Variants in SHROOM3 observed in about 807,000 individuals in gnomAD.
SHROOM3 encodes protein Shroom3.
Under a neutral mutation model 138.6 loss-of-function variants are expected in SHROOM3, and 47 were observed. The observed-to-expected ratio is 0.34, with a 90% CI of 0.27 to 0.43. SHROOM3 has a LOEUF of 0.43. Among genes scored for constraint, SHROOM3 ranks in the 20% least tolerant of loss-of-function variants. SHROOM3 has a pLI of 1.00. For synonymous variants in SHROOM3, 1,062 were observed against 1,063.3 expected (o/e 1.00, Z 0.02); for missense variants, 2,491 against 2,596.5 (o/e 0.96, Z 0.88).
intron 1 of SHROOM3, among the ~76,000 whole-genome samples, chr4:76,495,580 C>T (rs1731948202): frequency 6.6e-6 from 1 of 152,204 alleles, no homozygotes; most frequent in Non-Finnish European, 1.5e-5. Flanking sequence ...CTCAGTACAT[C>T]GCTTGTAATG....
intron 1 of SHROOM3, among the ~76,000 whole-genome samples, chr4:76,464,383 C>G (rs937751907): frequency 2.0e-5 from 3 of 152,170 alleles, no homozygotes; most frequent in Admixed American, 1.3e-4. Flanking sequence ...TGCCTGTACC[C>G]CATTGTATCT....
chr4:76,614,317 G>A (rs1734827897), intron 2 of SHROOM3, among the ~76,000 whole-genome samples: 2 of 152,076 alleles, frequency 1.3e-5, no homozygotes, highest in Non-Finnish European at 2.9e-5. Flanking sequence ...GCCTCCCAAA[G>A]TGCTGGGATT....
intron 1 of SHROOM3, among the ~76,000 whole-genome samples, chr4:76,546,625 C>A (rs114098133): frequency 6.6e-6 from 1 of 152,198 alleles, no homozygotes; most frequent in South Asian, 2.1e-4. Flanking sequence ...AATGCCCAAA[C>A]GGCTTTGTTT....
intron 2 of SHROOM3, among the ~76,000 whole-genome samples, chr4:76,704,584 C>T (rs1387193026): frequency 6.6e-6 from 1 of 152,136 alleles, no homozygotes; most frequent in African/African-American, 2.4e-5. Flanking sequence ...GTTTGGGGAA[C>T]CTAAGGAAGG....
At chr4:76,749,243 TTTA>T (rs1475065534) in intron 6 of SHROOM3, among the ~76,000 whole-genome samples, 153 bp downstream of exon 6, 15 of 152,172 alleles carry the variant, frequency 9.9e-5, no homozygotes, top group Admixed American at 8.5e-4. Flanking sequence ...TTTTTTTAGT[TTTA>T]TTATTATACT....
intron 2 of SHROOM3, among the ~76,000 whole-genome samples, chr4:76,658,300 A>C (rs1736110743): frequency 1.3e-5 from 2 of 152,216 alleles, no homozygotes; most frequent in Non-Finnish European, 2.9e-5. Context: ...CATTTCTGGA[A>C]GAGCCCTCAG....
At chr4:76,767,022 C>T (rs903064288) in intron 9 of SHROOM3, among the ~76,000 whole-genome samples, 2 of 152,230 alleles carry the variant, frequency 1.3e-5, no homozygotes, top group African/African-American at 4.8e-5. Flanking sequence ...GGGGTACACA[C>T]ATGCTCCTGT....
At chr4:76,773,298 C>G (rs909015189) in intron 10 of SHROOM3, among the ~76,000 whole-genome samples, 1 of 149,568 alleles carries the variant, frequency 6.7e-6, no homozygotes, top group Non-Finnish European at 1.5e-5. Flanking sequence ...TGCTTGAACC[C>G]GGGAAGCGGA....
intron 3 of SHROOM3, among the ~76,000 whole-genome samples, chr4:76,717,782 A>C (rs971195800): frequency 2.0e-4 from 31 of 152,228 alleles, no homozygotes; most frequent in African/African-American, 6.8e-4. Flanking sequence ...TTCAAAGAAA[A>C]GGTATAGTCT....
chr4:76,672,157 T>C (rs1179438540), intron 2 of SHROOM3, among the ~76,000 whole-genome samples: 1 of 152,058 alleles, frequency 6.6e-6, no homozygotes, highest in Non-Finnish European at 1.5e-5. Flanking sequence ...AGATGATTTA[T>C]CCCTCTAAAA....
At chr4:76,477,860 G>C (rs1044225755) in intron 1 of SHROOM3, among the ~76,000 whole-genome samples, 5 of 152,148 alleles carry the variant, frequency 3.3e-5, no homozygotes, top group African/African-American at 1.2e-4. Context: ...GCCTCACCTG[G>C]GAAGTGCAAG....
chr4:76,674,647 C>T (rs142648525), intron 2 of SHROOM3, among the ~76,000 whole-genome samples: 40 of 150,096 alleles, frequency 2.7e-4, no homozygotes, highest in African/African-American at 9.6e-4. Flanking sequence ...GCTGCGTCCC[C>T]AGGCTCAAGT....
chr4:76,755,369 G>A (rs1454336511), intron 7 of SHROOM3, among the ~76,000 whole-genome samples, 177 bp downstream of exon 7: 1 of 152,174 alleles, frequency 6.6e-6, no homozygotes, highest in Non-Finnish European at 1.5e-5. Context: ...GTGTCATTGG[G>A]TACTGAGGAG....
intron 1 of SHROOM3, among the ~76,000 whole-genome samples, chr4:76,486,078 G>GA (rs1244725611): frequency 6.6e-6 from 1 of 152,042 alleles, no homozygotes. Flanking sequence ...CTGAGGTACA[G>GA]AAAAAAATAA....
At chr4:76,619,125 G>C (rs916523348) in intron 2 of SHROOM3, among the ~76,000 whole-genome samples, 1 of 152,192 alleles carries the variant, frequency 6.6e-6, no homozygotes. Flanking sequence ...TGGGATTACA[G>C]GCATGAGCCA....
chr4:76,665,303 G>GT (rs1295876085), intron 2 of SHROOM3, among the ~76,000 whole-genome samples: 1 of 152,118 alleles, frequency 6.6e-6, no homozygotes, highest in African/African-American at 2.4e-5. Context: ...GATCCATGGG[G>GT]TTTTTTTAAT....
At chr4:76,590,194 C>A (rs550084007) in intron 2 of SHROOM3, among the ~76,000 whole-genome samples, 1 of 152,222 alleles carries the variant, frequency 6.6e-6, no homozygotes, top group African/African-American at 2.4e-5. Flanking sequence ...AACTCAAAAC[C>A]CCAGCGGGTT....
At chr4:76,651,188 T>C (rs1735948447) in intron 2 of SHROOM3, among the ~76,000 whole-genome samples, 1 of 151,550 alleles carries the variant, frequency 6.6e-6, no homozygotes, top group African/African-American at 2.4e-5. Context: ...AAAAACAAAA[T>C]GGAAAGAATA....
At chr4:76,537,358 C>T (rs1360852987) in intron 1 of SHROOM3, among the ~76,000 whole-genome samples, 1 of 152,098 alleles carries the variant, frequency 6.6e-6, no homozygotes, top group Admixed American at 6.5e-5. Context: ...TGCCTAGGGC[C>T]TTGAAGGCCA....
Sources: allele counts gnomAD v4.1 joint callset (sites outside exome capture counted in the v4.1 genomes callset), GRCh38; gene constraint gnomAD v4.1.1; transcripts MANE v1.5; gene names NCBI Gene and HGNC (gene_info 2026-07-23, HGNC 2026-07-21).